Variants in PRR5L observed in about 807,000 individuals in gnomAD.
PRR5L encodes the protein proline rich 5 like.
PRR5L carries 21 observed loss-of-function variants against 36.4 expected under a neutral mutation model. That is an observed-to-expected ratio of 0.58 (90% CI 0.41 to 0.83). The LOEUF is 0.83. PRR5L is among the 40% of genes least tolerant of loss of function. PRR5L has a pLI of 0.00. For synonymous variants in PRR5L, 188 were observed against 197.0 expected (o/e 0.95, Z 0.38); for missense variants, 381 against 473.3 (o/e 0.80, Z 1.81).
chr11:36,314,079 C>T (rs1021609743), intron 1 of PRR5L, among the ~76,000 whole-genome samples: 1 of 152,196 alleles, frequency 6.6e-6, no homozygotes, highest in Non-Finnish European at 1.5e-5. Context: ...AAATAATTAA[C>T]ATGGGTAAGA....
At chr11:36,434,992 C>T (rs1307562043) in intron 5 of PRR5L, among the ~76,000 whole-genome samples, 1 of 152,100 alleles carries the variant, frequency 6.6e-6, no homozygotes, top group Non-Finnish European at 1.5e-5. Flanking sequence ...CCAGTGCTGA[C>T]CTGCAAGGTT....
At chr11:36,413,388 G>T (rs1023603959) in intron 3 of PRR5L, among the ~76,000 whole-genome samples, 1 of 152,134 alleles carries the variant, frequency 6.6e-6, no homozygotes, top group Non-Finnish European at 1.5e-5. Flanking sequence ...TTACTCCTGC[G>T]ATTCTTTCTC....
intron 1 of PRR5L, among the ~76,000 whole-genome samples, chr11:36,302,830 G>A (rs527303977): frequency 3.7e-4 from 57 of 152,284 alleles, no homozygotes; most frequent in African/African-American, 1.3e-3. Flanking sequence ...GCTGGCTCAC[G>A]TGTGTGCAGT....
intron 1 of PRR5L, among the ~76,000 whole-genome samples, chr11:36,300,662 C>T (rs937274033): frequency 3.3e-5 from 5 of 151,968 alleles, no homozygotes; most frequent in Non-Finnish European, 7.4e-5. Context: ...AAAAAAAATC[C>T]TCTTTTTTGT....
intron 8 of PRR5L, among the ~76,000 whole-genome samples, chr11:36,455,081 C>T (rs1170316039): frequency 6.6e-6 from 1 of 152,228 alleles, no homozygotes; most frequent in Non-Finnish European, 1.5e-5. Context: ...ACACAAAGGC[C>T]CTGGCCTCCC....
At chr11:36,363,864 C>G (rs1206700762) in intron 1 of PRR5L, among the ~76,000 whole-genome samples, 2 of 152,244 alleles carry the variant, frequency 1.3e-5, no homozygotes, top group Non-Finnish European at 2.9e-5. Flanking sequence ...ACCAGGAAAT[C>G]TAAATTGAAC....
intron 7 of PRR5L, 54 bp downstream of exon 7, chr11:36,446,494 G>A (rs1858833649): frequency 1.0e-5 from 16 of 1,601,792 alleles, no homozygotes; most frequent in African/African-American, 1.3e-5. Context: ...CGAGGGAAGA[G>A]ATTGCCTTTC....
At chr11:36,353,056 C>A (rs1419877560) in intron 1 of PRR5L, among the ~76,000 whole-genome samples, 6 of 152,192 alleles carry the variant, frequency 3.9e-5, no homozygotes, top group Non-Finnish European at 7.3e-5. Context: ...GTGGCACAAT[C>A]ATAGCCCACT....
At chr11:36,461,506 C>T (rs10836564) in intron 8 of PRR5L, among the ~76,000 whole-genome samples, 16,611 of 151,906 alleles carry the variant, frequency 0.11, 1,718 homozygotes, top group East Asian at 0.49. Flanking sequence ...GCCTGTAGTC[C>T]CAGCAACTCA....
At chr11:36,313,007 C>T (rs1190957534) in intron 1 of PRR5L, among the ~76,000 whole-genome samples, 2 of 152,244 alleles carry the variant, frequency 1.3e-5, no homozygotes, top group East Asian at 3.8e-4. Flanking sequence ...CAGATGTATC[C>T]TCTAGGATTC....
In PRR5L at chr11:36,438,866, T is replaced by C. The variant is rs539174821; in HGVS notation, c.444+1390T>C. ...AGGAGGATCACTTGAGCCCAGACGA[T>C]TGAAGCTGTAGTGAGCTGAGATTGC... On this transcript the variant is annotated intron_variant, in intron 6 of 8. Coordinates refer to ENST00000530639, the MANE Select transcript of PRR5L (RefSeq NM_001160167.2). 6.6e-5 allele frequency among the ~76,000 whole-genome samples: 10 copies of C among 152,104 alleles called. No homozygotes were observed. The South Asian group carries it at 1.9e-3, about 28-fold the overall frequency.
At chr11:36,368,208 G>GTT (rs1857163897) in intron 1 of PRR5L, among the ~76,000 whole-genome samples, 1 of 152,102 alleles carries the variant, frequency 6.6e-6, no homozygotes, top group Non-Finnish European at 1.5e-5. Context: ...ATCTAAGAGA[G>GTT]TGATCATAAA....
chr11:36,460,610 C>A (rs948177771), intron 8 of PRR5L, among the ~76,000 whole-genome samples: 2 of 152,188 alleles, frequency 1.3e-5, no homozygotes, highest in Non-Finnish European at 2.9e-5. Flanking sequence ...TTTTCACATG[C>A]GATCCCTATT....
intron 1 of PRR5L, among the ~76,000 whole-genome samples, chr11:36,390,241 A>C (rs1320439757): frequency 6.6e-6 from 1 of 152,198 alleles, no homozygotes; most frequent in Admixed American, 6.5e-5. Context: ...AAGGGGGTGC[A>C]GGTTTGAACC....
intron 1 of PRR5L, among the ~76,000 whole-genome samples, chr11:36,325,756 C>T (rs958982302): frequency 5.9e-5 from 9 of 152,116 alleles, no homozygotes; most frequent in East Asian, 1.9e-4. Context: ...TCCTGTCTCT[C>T]GATGATGTAA....
chr11:36,421,829 A>G (rs1390114153), intron 4 of PRR5L, among the ~76,000 whole-genome samples: 1 of 152,124 alleles, frequency 6.6e-6, no homozygotes, highest in Non-Finnish European at 1.5e-5. Context: ...GAGTTGTACC[A>G]TGGTGTCCTC....
chr11:36,317,117 T>G (rs1044091665), intron 1 of PRR5L, among the ~76,000 whole-genome samples: 1 of 152,196 alleles, frequency 6.6e-6, no homozygotes, highest in African/African-American at 2.4e-5. Context: ...GCATCTGGGT[T>G]GATGAATGAA....
chr11:36,355,918 T>C (rs1857022871), intron 1 of PRR5L, among the ~76,000 whole-genome samples: 1 of 151,712 alleles, frequency 6.6e-6, no homozygotes, highest in African/African-American at 2.4e-5. Flanking sequence ...ATCTTTGCTT[T>C]TTTTTTTCTT....
chr11:36,327,053 G>A (rs1465122967), intron 1 of PRR5L, among the ~76,000 whole-genome samples: 1 of 152,202 alleles, frequency 6.6e-6, no homozygotes, highest in East Asian at 1.9e-4. Flanking sequence ...AATAATTCTT[G>A]TATACAGGTA....
Sources: gnomAD v4.1 joint callset for allele counts (sites outside exome capture counted in the v4.1 genomes callset) on GRCh38, gnomAD v4.1.1 for gene constraint, MANE v1.5 for transcripts, NCBI Gene and HGNC (gene_info 2026-07-23, HGNC 2026-07-21) for gene names.